Variants in CLVS1 observed in about 807,000 individuals in gnomAD.
The protein encoded by CLVS1 is clavesin-1.
CLVS1 carries 10 observed loss-of-function variants against 33.1 expected under a neutral mutation model. That is an observed-to-expected ratio of 0.30 (90% confidence interval 0.19 to 0.51). The LOEUF is 0.51. Ranked by LOEUF, CLVS1 falls within the 20% of genes least tolerant of loss-of-function variation. CLVS1 has a pLI of 0.97. For missense variants in CLVS1, 343 were observed against 433.4 expected, an observed-to-expected ratio of 0.79 and a Z score of 1.85; for synonymous variants, 163 against 166.1, an observed-to-expected ratio of 0.98 and a Z score of 0.14.
intron 2 of CLVS1, among the ~76,000 whole-genome samples, chr8:61,192,487 A>AC (rs149540347): frequency 0.52 from 78,240 of 151,628 alleles, 20,877 homozygotes; most frequent in Middle Eastern, 0.69. Context: ...AGACTAAAAC[A>AC]TAAAAGCAAT....
intron 1 of CLVS1, chr8:61,091,042 C>A (rs1450765004): frequency 4.6e-6 from 2 of 430,322 alleles, no homozygotes; most frequent in Non-Finnish European, 9.0e-6. Flanking sequence ...CCCGTTACCT[C>A]ACATGGCAAA....
intron 3 of CLVS1, among the ~76,000 whole-genome samples, chr8:61,445,488 C>T (rs1350088564): frequency 1.3e-5 from 2 of 152,160 alleles, no homozygotes; most frequent in Non-Finnish European, 2.9e-5. Flanking sequence ...GTGATCTCTA[C>T]ATACCTGCTC....
intron 2 of CLVS1, among the ~76,000 whole-genome samples, chr8:61,156,259 A>C (rs1585649683): frequency 6.8e-5 from 9 of 132,578 alleles, no homozygotes; most frequent in Admixed American, 1.6e-4. Context: ...TCCTACCCTC[A>C]CCCTCCCATC....
At chr8:61,121,943 C>T (rs1585626274) in intron 1 of CLVS1, among the ~76,000 whole-genome samples, 1 of 152,318 alleles carries the variant, frequency 6.6e-6, no homozygotes, top group Non-Finnish European at 1.5e-5. Flanking sequence ...AATAAAGACC[C>T]TGAAATACAA....
At chr8:60,984,382 G>A in the CLVS1 span, among the ~76,000 whole-genome samples, 5 of 150,168 alleles carry the variant, frequency 3.3e-5, no homozygotes, top group East Asian at 3.9e-4. Context: ...GTGCAATGGC[G>A]GGATCTCAGC....
At chr8:61,068,223 G>GTATGTGTATATATATATATA (rs1804720212) in intron 1 of CLVS1, among the ~76,000 whole-genome samples, 2 of 105,184 alleles carry the variant, frequency 1.9e-5, no homozygotes, top group Non-Finnish European at 3.5e-5. Context: ...ATATATGTAT[G>GTATGTGTATATATATATATA]TATGTGTATA....
rs897757998 is a variant in CLVS1, at chr8:61,079,655, T to A, written c.-243+22425T>A. Among the ~76,000 whole-genome samples, 4 of 152,224 alleles carry A rather than the reference T, an allele frequency of 2.6e-5. 1 individual carries two copies. Among genetic ancestry groups the A allele is most frequent in the Admixed American group, 2.6e-4 (4 of 15,280 alleles). ...ACAGAGGGACCAGACTGTGATGCTTTTTGAGGGCTGTTTATTTGTTTGAGT... is the reference window on the plus strand; with the variant it reads ...ACAGAGGGACCAGACTGTGATGCTTATTGAGGGCTGTTTATTTGTTTGAGT... On this transcript the variant is annotated intron_variant, in intron 1 of 2. Coordinates refer to the CLVS1 transcript ENST00000522621.
the CLVS1 span, among the ~76,000 whole-genome samples, chr8:61,048,274 G>A: frequency 2.6e-5 from 4 of 152,214 alleles, no homozygotes; most frequent in Non-Finnish European, 5.9e-5. Context: ...GCAGAGCAGG[G>A]CATGGTAACT....
chr8:61,154,820 C>T (rs1382835728), intron 2 of CLVS1, among the ~76,000 whole-genome samples: 1 of 152,182 alleles, frequency 6.6e-6, no homozygotes, highest in Non-Finnish European at 1.5e-5. Flanking sequence ...AGTCAACATT[C>T]AACAAATCTT....
In CLVS1 at chr8:61,321,435, ATTC is replaced by A. The variant is rs199982830; in HGVS notation, c.455+21163_455+21165del. ...CTGGATGCCTATAAGATTCTCTCCT[ATTC>A]TTCTTCTTCCTCTTTTTTCTTTTCA... On this transcript the variant is annotated intron_variant, in intron 2 of 5. Coordinates refer to ENST00000325897, the MANE Select transcript of CLVS1 (RefSeq NM_173519.3). 3.7e-3 allele frequency among the ~76,000 whole-genome samples: 553 copies of A among 150,340 alleles called. 3 individuals are homozygous for A. The highest frequency in any genetic ancestry group is 0.013 in the African/African-American group (521 of 40,796).
chr8:60,982,940 AAAAC>A, the CLVS1 span, among the ~76,000 whole-genome samples: 1 of 152,136 alleles, frequency 6.6e-6, no homozygotes, highest in African/African-American at 2.4e-5. Flanking sequence ...CTTGATTCAA[AAAAC>A]AAACAAACCC....
chr8:61,459,367 A>G (rs1053419060), intron 5 of CLVS1, among the ~76,000 whole-genome samples: 3 of 152,172 alleles, frequency 2.0e-5, no homozygotes, highest in African/African-American at 7.2e-5. Flanking sequence ...TTATTTTTCC[A>G]TAAGTTATTG....
the CLVS1 span, among the ~76,000 whole-genome samples, chr8:61,031,141 A>G: frequency 6.6e-6 from 1 of 152,238 alleles, no homozygotes; most frequent in Non-Finnish European, 1.5e-5. Context: ...CTGCAAGAAG[A>G]ACAGAACTGA....
chr8:61,099,482 A>C (rs1269040416), intron 1 of CLVS1, among the ~76,000 whole-genome samples: 1 of 152,192 alleles, frequency 6.6e-6, no homozygotes, highest in Non-Finnish European at 1.5e-5. Flanking sequence ...TGTAAGGTGA[A>C]TAAGATGTAA....
intron 2 of CLVS1, among the ~76,000 whole-genome samples, chr8:61,348,591 A>G (rs981585404): frequency 6.6e-6 from 1 of 152,056 alleles, no homozygotes; most frequent in Non-Finnish European, 1.5e-5. Flanking sequence ...CCTTGTGTAG[A>G]TATGCCTCAT....
At position 61,392,970 on chromosome 8, in the gene CLVS1, G is replaced by C. The variant is rs889322206; in HGVS notation, c.630+16191G>C. Reference sequence around the variant, plus strand: ...GCTATCTCGGCTCACTGCAACCTCCGCCTCCTGGGTTCAAGCGATTCTCCT... The same window carrying C: ...GCTATCTCGGCTCACTGCAACCTCCCCCTCCTGGGTTCAAGCGATTCTCCT... On this transcript the variant is annotated intron_variant, in intron 3 of 5. Coordinates refer to ENST00000325897, the MANE Select transcript of CLVS1 (RefSeq NM_173519.3). 7.7e-4 allele frequency among the ~76,000 whole-genome samples: 117 copies of C among 151,924 alleles called. 1 individual carries two copies. The highest frequency in any genetic ancestry group is 3.3e-3 in the Admixed American group (50 of 15,264).
intron 2 of CLVS1, among the ~76,000 whole-genome samples, chr8:61,358,457 T>G (rs1469898449): frequency 1.3e-5 from 2 of 152,212 alleles, no homozygotes; most frequent in Non-Finnish European, 2.9e-5. Flanking sequence ...ATTCTATCTC[T>G]CTGAACTGCC....
rs115958091 is a variant in CLVS1, at chr8:61,125,924, C to T, written c.-242-5846C>T. On this transcript the variant is annotated intron_variant, in intron 1 of 2. Transcript: ENST00000522621. ...AACAACAATTAACGGAAAACAGCCT[C>T]GTTGGTTTGATAAACGGAATAGAGC... Among the ~76,000 whole-genome samples the T allele has an allele frequency of 7.6e-3, 1,154 of 151,260 alleles. 11 individuals are homozygous for T. The highest frequency in any genetic ancestry group is 0.022 in the African/African-American group (889 of 41,198).
At chr8:61,238,350 C>T (rs1808613671) in intron 2 of CLVS1, among the ~76,000 whole-genome samples, 1 of 151,780 alleles carries the variant, frequency 6.6e-6, no homozygotes, top group African/African-American at 2.4e-5. Flanking sequence ...GCTTACTACC[C>T]TCCACTGTTC....
Sources: allele counts gnomAD v4.1 joint callset (sites outside exome capture counted in the v4.1 genomes callset), GRCh38; gene constraint gnomAD v4.1.1; transcripts MANE v1.5; gene names NCBI Gene and HGNC (gene_info 2026-07-23, HGNC 2026-07-21).